ADAMTSL3: variants seen among roughly 807,000 people sequenced by gnomAD.
The protein encoded by ADAMTSL3 is ADAMTS-like protein 3.
A neutral mutation model predicts 201.7 loss-of-function variants in ADAMTSL3; 128 were observed. The observed-to-expected ratio is 0.63, with a 90% CI of 0.55 to 0.73. The LOEUF is 0.73. Among genes scored for constraint, ADAMTSL3 ranks in the 30% least tolerant of loss-of-function variants. The pLI, the probability that ADAMTSL3 is intolerant of heterozygous loss-of-function variation, is 0.00. For missense variants in ADAMTSL3, 1,990 were observed against 2,119.6 expected (o/e 0.94, Z 1.20); for synonymous variants, 738 against 748.4 (o/e 0.99, Z 0.23).
intron 3 of ADAMTSL3, among the ~76,000 whole-genome samples, chr15:83,715,588 C>A (rs537741306): frequency 2.8e-4 from 43 of 152,196 alleles, no homozygotes; most frequent in Non-Finnish European, 5.6e-4. Context: ...GGGACTATGT[C>A]TTCTCATCAC....
chr15:83,887,812 A>G (rs1226489541), intron 10 of ADAMTSL3, among the ~76,000 whole-genome samples: 2 of 152,192 alleles, frequency 1.3e-5, no homozygotes, highest in East Asian at 3.9e-4. Flanking sequence ...GCTGGTCTCC[A>G]ACTGGTGGGC....
intron 16 of ADAMTSL3, among the ~76,000 whole-genome samples, chr15:83,919,577 G>A (rs2066099667): frequency 6.6e-6 from 1 of 152,142 alleles, no homozygotes; most frequent in Non-Finnish European, 1.5e-5. Context: ...ACAGAGTGGA[G>A]ATGAATAGAG....
intron 15 of ADAMTSL3, among the ~76,000 whole-genome samples, chr15:83,903,012 T>C (rs2065756351): frequency 6.6e-6 from 1 of 152,158 alleles, no homozygotes; most frequent in African/African-American, 2.4e-5. Flanking sequence ...CCCCTGATCA[T>C]TTTTGAAGCA....
At chr15:83,909,066 C>A (rs1412149201) in intron 15 of ADAMTSL3, among the ~76,000 whole-genome samples, 2 of 152,194 alleles carry the variant, frequency 1.3e-5, no homozygotes, top group East Asian at 1.9e-4. Context: ...TTTGAGCCAG[C>A]AACAGTGGGT....
At chr15:83,871,394 C>T (rs946956885) in intron 9 of ADAMTSL3, among the ~76,000 whole-genome samples, 3 of 152,080 alleles carry the variant, frequency 2.0e-5, no homozygotes, top group African/African-American at 4.8e-5. Flanking sequence ...TGAAAACGGC[C>T]GATGGTTAAA....
At chr15:83,677,492 C>T (rs1036147070) in intron 2 of ADAMTSL3, among the ~76,000 whole-genome samples, 2 of 151,620 alleles carry the variant, frequency 1.3e-5, no homozygotes, top group Non-Finnish European at 2.9e-5. Context: ...CCTATGTCTT[C>T]TTGGTGGTAG....
chr15:83,882,698 ATTCTAGATCCAATATTCT>A (rs1158958238), intron 9 of ADAMTSL3, among the ~76,000 whole-genome samples: 1 of 152,184 alleles, frequency 6.6e-6, no homozygotes, highest in Non-Finnish European at 1.5e-5. Flanking sequence ...TGGTTATAGA[ATTCTAGATCCAATATTCT>A]TGTCCCTCAC....
intron 8 of ADAMTSL3, chr15:83,862,732 T>C (rs966191315): frequency 6.6e-6 from 1 of 152,140 alleles, no homozygotes; most frequent in African/African-American, 2.4e-5. Flanking sequence ...AATAACCAGC[T>C]AACATCATAA....
intron 3 of ADAMTSL3, among the ~76,000 whole-genome samples, chr15:83,743,619 T>C (rs1295282775): frequency 6.6e-6 from 1 of 152,120 alleles, no homozygotes; most frequent in Non-Finnish European, 1.5e-5. Flanking sequence ...TGTTACAAGT[T>C]TGACATTTTT....
chr15:84,025,219 C>T lies in ADAMTSL3; in HGVS notation c.4458-19C>T. 2 of 1,573,108 alleles carry T rather than the reference C, an allele frequency of 1.3e-6. No homozygotes were observed. Among genetic ancestry groups the T allele is most frequent in the Non-Finnish European group, 1.7e-6 (2 of 1,161,488 alleles). Reference sequence around the variant, plus strand: ...TGGCATACCAGTCCTTACTAAAGTCCTGTAGTTTTTGTTCCTAGGTGGTTC... The same window carrying T: ...TGGCATACCAGTCCTTACTAAAGTCTTGTAGTTTTTGTTCCTAGGTGGTTC... On this transcript the variant is annotated intron_variant, in intron 26 of 29. Coordinates refer to ENST00000286744, the MANE Select transcript of ADAMTSL3 (RefSeq NM_207517.3).
At chr15:83,920,540 A>G (rs2066120511) in intron 16 of ADAMTSL3, among the ~76,000 whole-genome samples, 1 of 152,210 alleles carries the variant, frequency 6.6e-6, no homozygotes, top group African/African-American at 2.4e-5. Flanking sequence ...ATTACTCGGG[A>G]CTTTACAGTA....
At chr15:84,009,223 CCCACCTG>C (rs2067961255) in intron 23 of ADAMTSL3, among the ~76,000 whole-genome samples, 1 of 152,116 alleles carries the variant, frequency 6.6e-6, no homozygotes, top group African/African-American at 2.4e-5. Context: ...TGACCTGAGC[CCCACCTG>C]CCACTTCTCT....
Position 83,954,648 on chromosome 15 carries a change from C to T in ADAMTSL3, c.2490+11566C>T, listed in dbSNP as rs10459762. ...CTGGGCTTTACAGTCTATGCCTGTCCTTCTTGGGAAGCCTTTCCAAGTATT... is the reference window on the plus strand; with the variant it reads ...CTGGGCTTTACAGTCTATGCCTGTCTTTCTTGGGAAGCCTTTCCAAGTATT... On this transcript the variant is annotated intron_variant, in intron 19 of 29. Coordinates refer to ENST00000286744, the MANE Select transcript of ADAMTSL3 (RefSeq NM_207517.3). Among the ~76,000 whole-genome samples the T allele has an allele frequency of 8.4e-4, 128 of 152,274 alleles. 2 individuals are homozygous for T. The East Asian group carries it at 0.023, about 28-fold the overall frequency.
chr15:84,017,587 C>G (rs8042328), intron 25 of ADAMTSL3, among the ~76,000 whole-genome samples: 65,704 of 152,010 alleles, frequency 0.43, 14,372 homozygotes, highest in East Asian at 0.61. Flanking sequence ...TAGGCTTTCA[C>G]CTCCTGAGGT....
At chr15:83,802,091 A>C (rs555915924) in intron 4 of ADAMTSL3, among the ~76,000 whole-genome samples, 45 of 152,264 alleles carry the variant, frequency 3.0e-4, no homozygotes, top group African/African-American at 9.6e-4. Context: ...AAGAAGTAAC[A>C]TCATATCATG....
Position 83,840,918 on chromosome 15 carries a change from C to T in ADAMTSL3, c.727+2703C>T, listed in dbSNP as rs533340200. Reference sequence around the variant, plus strand: ...CAGGAACCAGGCACCTTTCTCTCTTCTTCACATCCTTAGAGGATGGCTTTT... The same window carrying T: ...CAGGAACCAGGCACCTTTCTCTCTTTTTCACATCCTTAGAGGATGGCTTTT... On this transcript the variant is annotated intron_variant, in intron 7 of 29. Coordinates refer to ENST00000286744, the MANE Select transcript of ADAMTSL3 (RefSeq NM_207517.3). Among the ~76,000 whole-genome samples the T allele has an allele frequency of 4.5e-4, 69 of 152,328 alleles. 1 individual carries two copies. The highest frequency in any genetic ancestry group is 6.3e-4 in the Non-Finnish European group (43 of 68,018).
At chr15:83,849,731 A>G (rs1313474913) in intron 7 of ADAMTSL3, among the ~76,000 whole-genome samples, 1 of 152,182 alleles carries the variant, frequency 6.6e-6, no homozygotes, top group Non-Finnish European at 1.5e-5. Context: ...GGGTAAGATA[A>G]AGAAAGCGTG....
intron 3 of ADAMTSL3, 111 bp from the exon 4 acceptor site, chr15:83,773,412 A>G: frequency 7.8e-7 from 1 of 1,284,506 alleles, no homozygotes; most frequent in Non-Finnish European, 1.1e-6. Flanking sequence ...CTCAATTAAA[A>G]AAAAAAAGGT....
chr15:84,012,188 A>G (rs2068017756), intron 23 of ADAMTSL3, among the ~76,000 whole-genome samples: 2 of 152,346 alleles, frequency 1.3e-5, no homozygotes, highest in Admixed American at 6.5e-5. Flanking sequence ...AACAATACCC[A>G]TATATTATGT....
Sources: gnomAD v4.1 joint callset for allele counts (sites outside exome capture counted in the v4.1 genomes callset) on GRCh38, gnomAD v4.1.1 for gene constraint, MANE v1.5 for transcripts, NCBI Gene and HGNC (gene_info 2026-07-23, HGNC 2026-07-21) for gene names.